CACNA1C: variants seen among roughly 807,000 people sequenced by gnomAD.
CACNA1C encodes the protein voltage-dependent L-type calcium channel subunit alpha-1C.
CACNA1C carries 30 observed loss-of-function variants against 229.0 expected under a neutral mutation model. The observed-to-expected ratio is 0.13, with a 90% CI of 0.10 to 0.18. CACNA1C has a LOEUF of 0.18. Ranked by LOEUF, CACNA1C falls within the 10% of genes least tolerant of loss-of-function variation. The probability of loss-of-function intolerance (pLI) is 1.00; values close to 1 mark genes in which losing one functional copy is unlikely to be tolerated. For missense variants in CACNA1C, 1,658 were observed against 2,845.0 expected (o/e 0.58, Z 9.49); for synonymous variants, 1,114 against 1,132.5 (o/e 0.98, Z 0.33).
chr12:2,034,225 A>AG lies in CACNA1C; in HGVS notation c.139+63025dup, dbSNP rs2048712364. On this transcript the variant is annotated intron_variant, in intron 1 of 46. Transcript: ENST00000682462. This position sits in a 1 kb window ranked among gnomAD's most constrained non-coding sequence, Gnocchi z 4.1. ...GTGACTCGCCCAAACTCACATGCTT[A>AG]GTGTGGGAAAGTTAAGATTTTGCCA... Among the ~76,000 whole-genome samples the AG allele has an allele frequency of 6.6e-6, 1 of 152,228 alleles. No individual in the cohort carries two copies. Among genetic ancestry groups the AG allele is most frequent in the Non-Finnish European group, 1.5e-5 (1 of 68,042 alleles).
intron 9 of CACNA1C, among the ~76,000 whole-genome samples, chr12:2,524,162 G>A (rs113947708): frequency 6.6e-6 from 1 of 152,200 alleles, no homozygotes; most frequent in Non-Finnish European, 1.5e-5. Flanking sequence ...GGAATCATTG[G>A]CCTCAACACA....
In CACNA1C at chr12:2,677,924, G is replaced by A; in HGVS notation, c.5091+57G>A. ...TATAAAGTTCAGTTTGGAGCAAGAG[G>A]TTGGGCTGGGGTTTTGCGGGGAACG... is the stretch of plus-strand genomic sequence containing the variant. On this transcript the variant is annotated intron_variant, in intron 41 of 46. Transcript: ENST00000399655. The surrounding 1 kb of genome is among the most constrained non-coding windows in gnomAD (Gnocchi z 7.4). 11 of 1,598,838 alleles carry A rather than the reference G, an allele frequency of 6.9e-6. No individual in the cohort carries two copies. The highest frequency in any genetic ancestry group is 8.6e-6 in the Non-Finnish European group (10 of 1,168,316).
intron 3 of CACNA1C, among the ~76,000 whole-genome samples, chr12:2,218,801 C>G (rs1448010045): frequency 1.3e-5 from 2 of 152,142 alleles, no homozygotes; most frequent in Non-Finnish European, 2.9e-5. Context: ...GCAGGTTGCA[C>G]GTAGGGGTCT....
intron 1 of CACNA1C, among the ~76,000 whole-genome samples, chr12:2,035,293 G>A (rs558844167): frequency 3.4e-4 from 52 of 152,374 alleles, no homozygotes; most frequent in Non-Finnish European, 6.2e-4. Context: ...AAGGAAACGA[G>A]AAAACCATTC....
Position 2,053,389 on chromosome 12 carries a change from T to A in CACNA1C, c.-174T>A. ...CAGTTTTTGGGGTTTGATGCCATAA[T>A]GGGAATCAGGTAATCGTCGGCGGGG... On this transcript the variant is annotated 5_prime_UTR_variant, in exon 1 of 47. An upstream start codon of the reference 5' UTR is lost. Coordinates refer to ENST00000399655, the MANE Select transcript of CACNA1C (RefSeq NM_000719.7). This position sits in a 1 kb window ranked among gnomAD's most constrained non-coding sequence, Gnocchi z 5.8. 1 of 1,394,726 alleles carries A rather than the reference T, an allele frequency of 7.2e-7. No individual in the cohort carries two copies. Among genetic ancestry groups the A allele is most frequent in the East Asian group, 2.8e-5 (1 of 35,908 alleles). 86.4% of individuals were successfully genotyped at this position (1,394,726 alleles called of 1,614,324 possible). A position where few individuals can be genotyped will look rare whatever the true frequency, so the allele number is the denominator to read the frequency against.
rs1217109738 is a variant in CACNA1C at position 2,467,809 on chromosome 12, C to T, written c.757+10103C>T. Among the ~76,000 whole-genome samples, 1 of 152,238 alleles carries T rather than the reference C, an allele frequency of 6.6e-6. No homozygotes were observed. The highest frequency in any genetic ancestry group is 1.5e-5 in the Non-Finnish European group (1 of 68,044). ...TCTTCCCGGCATCCTCCCAGGTGCCCCTGAAAGACGCCTGGGCCAGCAGCT... is the reference window on the plus strand; with the variant it reads ...TCTTCCCGGCATCCTCCCAGGTGCCTCTGAAAGACGCCTGGGCCAGCAGCT... On this transcript the variant is annotated intron_variant, in intron 5 of 46. Transcript: ENST00000399655. The surrounding 1 kb of genome is among the most constrained non-coding windows in gnomAD (Gnocchi z 4.6).
chr12:2,086,693 T>C (rs2067814588), intron 1 of CACNA1C, among the ~76,000 whole-genome samples: 1 of 152,196 alleles, frequency 6.6e-6, no homozygotes, highest in Non-Finnish European at 1.5e-5. Flanking sequence ...TCTCTCTTTG[T>C]GGTCTTTGAC....
At chr12:2,536,198 C>T (rs1404229189) in intron 9 of CACNA1C, among the ~76,000 whole-genome samples, 1 of 152,216 alleles carries the variant, frequency 6.6e-6, no homozygotes, top group Non-Finnish European at 1.5e-5. Flanking sequence ...AGCAGTGAAG[C>T]AGGAAAGACG....
intron 13 of CACNA1C, among the ~76,000 whole-genome samples, chr12:2,574,086 A>G (rs1282059086): frequency 1.3e-5 from 2 of 152,280 alleles, no homozygotes; most frequent in Middle Eastern, 3.4e-3. Flanking sequence ...TTTCAAGACA[A>G]AAAAAAGGCC....
Position 2,414,547 on chromosome 12 carries a change from T to C in CACNA1C, c.478-34429T>C, listed in dbSNP as rs117777034. 7.0e-4 allele frequency among the ~76,000 whole-genome samples: 106 copies of C among 152,310 alleles called. 1 individual carries two copies. In the East Asian group the frequency reaches 0.017, roughly 25 times the overall value. ...TTATGCCTGCGTCAGGCTTCCCACC[T>C]ACCAGTGTCAAAGGAAGGGCAGCGT... On this transcript the variant is annotated intron_variant, in intron 3 of 46. Coordinates refer to ENST00000399655, the MANE Select transcript of CACNA1C (RefSeq NM_000719.7).
intron 3 of CACNA1C, among the ~76,000 whole-genome samples, chr12:2,395,135 C>T (rs1286364807): frequency 6.6e-6 from 1 of 151,936 alleles, no homozygotes; most frequent in Non-Finnish European, 1.5e-5. Flanking sequence ...TTTCCTGCCT[C>T]AGCCTCCAGA....
intron 3 of CACNA1C, among the ~76,000 whole-genome samples, chr12:2,305,534 T>C (rs2094940939): frequency 6.6e-6 from 1 of 152,130 alleles, no homozygotes; most frequent in Admixed American, 6.5e-5. Flanking sequence ...GGTCATTTCT[T>C]CCCCACCCCT....
intron 26 of CACNA1C, chr12:2,607,892 A>G (rs1366444137): frequency 2.0e-5 from 3 of 152,330 alleles, no homozygotes; most frequent in Non-Finnish European, 4.4e-5. Context: ...TAGCTGGAGA[A>G]TAACCAAGTG....
At chr12:2,577,270 T>A (rs542029572) in intron 13 of CACNA1C, among the ~76,000 whole-genome samples, 1 of 152,252 alleles carries the variant, frequency 6.6e-6, no homozygotes, top group Admixed American at 6.5e-5. Flanking sequence ...GTGTTTTTCA[T>A]GTAGACAGTA....
chr12:2,362,039 A>G (rs568808650), intron 3 of CACNA1C, among the ~76,000 whole-genome samples: 3 of 152,350 alleles, frequency 2.0e-5, no homozygotes, highest in South Asian at 2.1e-4. Flanking sequence ...ATTCATTGGC[A>G]TTAGACATCG....
At chr12:2,377,448 C>T (rs746960323) in intron 3 of CACNA1C, among the ~76,000 whole-genome samples, 14 of 152,176 alleles carry the variant, frequency 9.2e-5, no homozygotes, top group Admixed American at 5.2e-4. Context: ...AGGAACTCAC[C>T]GACCAGCCTA....
In CACNA1C at chr12:2,679,567, G is replaced by A. The variant is rs769917254; in HGVS notation, c.5215G>A (p.Asp1739Asn). The A allele has an allele frequency of 1.8e-5, 29 of 1,613,512 alleles. No homozygotes were observed. Among genetic ancestry groups the A allele is most frequent in the Non-Finnish European group, 2.0e-5 (24 of 1,179,768 alleles). The change falls in exon 42 of 47, where the codon GAC becomes AAC. Residue 1739 changes from aspartate (D) to asparagine (N), a missense_variant. Around this residue, in one of 20 missense-constraint regions of CACNA1C, gnomAD observed 590 missense variants for 700.8 expected, o/e 0.84. Coordinates refer to ENST00000399655, the MANE Select transcript of CACNA1C (RefSeq NM_000719.7). This position sits in a 1 kb window ranked among gnomAD's most constrained non-coding sequence, Gnocchi z 5.5. ...CAACAAGGCGGGCAGCAGCCAGGGC[G>A]ACACTGAGTCGCCATCCCACGAGAA... ...HINKAGSSQGDTESPSHEKLV... is the reference protein window; with the variant it reads ...HINKAGSSQGNTESPSHEKLV...
At chr12:2,176,565 G>A (rs2238044) in intron 3 of CACNA1C, among the ~76,000 whole-genome samples, 66,446 of 150,158 alleles carry the variant, frequency 0.44, 15,105 homozygotes, top group African/African-American at 0.54. Context: ...GGGCCTATTG[G>A]GGGGGTTGGA....
intron 3 of CACNA1C, among the ~76,000 whole-genome samples, chr12:2,166,857 C>A (rs145878549): frequency 1.3e-5 from 2 of 152,328 alleles, no homozygotes; most frequent in East Asian, 3.9e-4. Flanking sequence ...AGGCAGCAGG[C>A]TTCTGAGTGT....
Sources: allele counts gnomAD v4.1 joint callset (sites outside exome capture counted in the v4.1 genomes callset), GRCh38; gene constraint gnomAD v4.1.1; regional missense constraint gnomAD v4.1.1; non-coding constraint Gnocchi (gnomAD v3.1); transcripts MANE v1.5; gene names NCBI Gene and HGNC (gene_info 2026-07-23, HGNC 2026-07-21).